Variants in HS6ST3 observed in about 807,000 individuals in gnomAD.
HS6ST3 encodes heparan sulfate 6-O-sulfotransferase 3, also known as heparan-sulfate 6-O-sulfotransferase 3.
In HS6ST3, 12 loss-of-function variants were observed where a neutral mutation model predicts 36.7. The ratio of observed to expected loss-of-function variants is 0.33; its 90% CI spans 0.21 to 0.53. The LOEUF (loss-of-function observed/expected upper bound fraction) is 0.53, where lower values mean the gene tolerates loss of function less well. Among genes scored for constraint, HS6ST3 ranks in the 20% least tolerant of loss-of-function variants. HS6ST3 has a pLI of 0.95. For missense variants in HS6ST3, 584 were observed against 640.9 expected, an observed-to-expected ratio of 0.91 and a Z score of 0.96; for synonymous variants, 240 against 257.5, an observed-to-expected ratio of 0.93 and a Z score of 0.65.
At chr13:96,702,605 C>G (rs1339837504) in intron 1 of HS6ST3, among the ~76,000 whole-genome samples, 12 of 152,156 alleles carry the variant, frequency 7.9e-5, no homozygotes, top group Admixed American at 7.9e-4. Flanking sequence ...TTGTATGAAG[C>G]CTGCTGACTG....
intron 1 of HS6ST3, among the ~76,000 whole-genome samples, chr13:96,772,505 T>C (rs1455596043): frequency 6.6e-6 from 1 of 152,194 alleles, no homozygotes. Flanking sequence ...ATATTTACAA[T>C]AAATAGCAAT....
intron 1 of HS6ST3, among the ~76,000 whole-genome samples, chr13:96,489,245 C>T (rs1189489568): frequency 2.0e-5 from 3 of 151,790 alleles, no homozygotes; most frequent in Non-Finnish European, 4.4e-5. Flanking sequence ...CTTCTTATAG[C>T]AAAATGATTA....
chr13:96,526,697 A>C (rs574509356), intron 1 of HS6ST3, among the ~76,000 whole-genome samples: 24 of 152,300 alleles, frequency 1.6e-4, no homozygotes, highest in Non-Finnish European at 3.4e-4. Context: ...TCTGATAATT[A>C]TTGTTATTAC....
chr13:96,470,253 G>A lies in HS6ST3; in HGVS notation c.708-362237G>A, dbSNP rs7321564. 2.9e-3 allele frequency among the ~76,000 whole-genome samples: 448 copies of A among 152,168 alleles called. 3 individuals carry two copies. The highest frequency in any genetic ancestry group is 0.01 in the African/African-American group (431 of 41,502). The stretch of plus-strand genomic sequence containing the variant: ...AAAGGATCATGTTGGTGAGGCACTG[G>A]GGATGAATAAGTTAGGAACAGTAAT... On this transcript the variant is annotated intron_variant, in intron 1 of 1. Transcript: ENST00000376705.
chr13:96,232,609 T>G (rs1177150047), intron 1 of HS6ST3, among the ~76,000 whole-genome samples: 1 of 151,948 alleles, frequency 6.6e-6, no homozygotes, highest in African/African-American at 2.4e-5. Flanking sequence ...GATGGGAGTG[T>G]CAGGGGGACA....
chr13:96,237,024 T>C (rs2054537837), intron 1 of HS6ST3, among the ~76,000 whole-genome samples: 1 of 152,204 alleles, frequency 6.6e-6, no homozygotes, highest in South Asian at 2.1e-4. Flanking sequence ...AGTAGAGAGA[T>C]TGAGAACTGA....
chr13:96,346,968 CA>C (rs2055158501), intron 1 of HS6ST3, among the ~76,000 whole-genome samples: 1 of 152,090 alleles, frequency 6.6e-6, no homozygotes, highest in Non-Finnish European at 1.5e-5. Context: ...GAGAGGTCCC[CA>C]TGGCAAATAA....
chr13:96,555,809 TA>T (rs10644683), intron 1 of HS6ST3, among the ~76,000 whole-genome samples: 56 of 147,340 alleles, frequency 3.8e-4, no homozygotes, highest in Admixed American at 8.9e-4. Flanking sequence ...AGATGGTTCT[TA>T]AAAAAAAAAA....
At chr13:96,312,145 T>C (rs1056440618) in intron 1 of HS6ST3, among the ~76,000 whole-genome samples, 1 of 152,198 alleles carries the variant, frequency 6.6e-6, no homozygotes, top group Non-Finnish European at 1.5e-5. Context: ...CTTTAGATTT[T>C]GTTCTGCTAA....
At chr13:96,811,568 C>A (rs1878317484) in intron 1 of HS6ST3, among the ~76,000 whole-genome samples, 1 of 152,126 alleles carries the variant, frequency 6.6e-6, no homozygotes, top group Non-Finnish European at 1.5e-5. Context: ...AATTATTTCA[C>A]AGAATAGAGC....
At position 96,466,060 on chromosome 13, in the gene HS6ST3, A is replaced by T. The variant is rs1161370657; in HGVS notation, c.708-366430A>T. 2.0e-5 allele frequency among the ~76,000 whole-genome samples: 3 copies of T among 152,068 alleles called. No individual in the cohort carries two copies. In the South Asian group the frequency reaches 6.2e-4, roughly 31 times the overall value. Reference sequence around the variant, plus strand: ...CGCTTTAGGAGGCTGAGGCGGGCAGATCATGAGGTCAGGAGTTCGAGATCA... The same window carrying T: ...CGCTTTAGGAGGCTGAGGCGGGCAGTTCATGAGGTCAGGAGTTCGAGATCA... On this transcript the variant is annotated intron_variant, in intron 1 of 1. Coordinates refer to ENST00000376705, the MANE Select transcript of HS6ST3 (RefSeq NM_153456.4).
At chr13:96,404,389 C>T (rs1200751365) in intron 1 of HS6ST3, among the ~76,000 whole-genome samples, 15 of 152,160 alleles carry the variant, frequency 9.9e-5, no homozygotes, top group Admixed American at 9.2e-4. Flanking sequence ...CAGATCCTGT[C>T]CTGGAAAGAC....
intron 1 of HS6ST3, among the ~76,000 whole-genome samples, chr13:96,183,235 C>T (rs1023745132): frequency 2.0e-5 from 3 of 151,944 alleles, no homozygotes; most frequent in Non-Finnish European, 4.4e-5. Context: ...GTTGATTTTT[C>T]TTCTCCTTTA....
intron 1 of HS6ST3, among the ~76,000 whole-genome samples, chr13:96,754,998 AT>A (rs1003329443): frequency 6.6e-5 from 10 of 151,032 alleles, no homozygotes; most frequent in East Asian, 3.9e-4. Flanking sequence ...TACTTTCTTA[AT>A]TTTTTTTTAA....
chr13:96,232,161 G>A (rs945960892), intron 1 of HS6ST3, among the ~76,000 whole-genome samples: 1 of 152,174 alleles, frequency 6.6e-6, no homozygotes, highest in South Asian at 2.1e-4. Context: ...ATTATGTTCT[G>A]AGAGTGTGAA....
chr13:96,548,939 G>A (rs1033666626), intron 1 of HS6ST3, among the ~76,000 whole-genome samples: 2 of 152,106 alleles, frequency 1.3e-5, no homozygotes, highest in Admixed American at 1.3e-4. Flanking sequence ...TAAGTATCTG[G>A]ACACTCCATG....
At chr13:96,644,786 G>C (rs551551597) in intron 1 of HS6ST3, among the ~76,000 whole-genome samples, 1 of 152,104 alleles carries the variant, frequency 6.6e-6, no homozygotes, top group East Asian at 1.9e-4. Context: ...AGACCCTCTT[G>C]TTGGCTTCTT....
At chr13:96,285,669 G>A (rs181047231) in intron 1 of HS6ST3, among the ~76,000 whole-genome samples, 31 of 152,286 alleles carry the variant, frequency 2.0e-4, no homozygotes, top group Non-Finnish European at 4.0e-4. Flanking sequence ...TATAAGAGGC[G>A]AAGTTTAACT....
intron 1 of HS6ST3, among the ~76,000 whole-genome samples, chr13:96,612,629 G>T (rs143635390): frequency 6.6e-6 from 1 of 152,174 alleles, no homozygotes. Flanking sequence ...CTCCTAGTTT[G>T]CATATCTTAT....
Sources: allele counts gnomAD v4.1 joint callset (sites outside exome capture counted in the v4.1 genomes callset), GRCh38; gene constraint gnomAD v4.1.1; transcripts MANE v1.5; gene names NCBI Gene and HGNC (gene_info 2026-07-23, HGNC 2026-07-21).